Variants in DAAM1 observed in about 807,000 individuals in gnomAD.
DAAM1 encodes the protein dishevelled associated activator of morphogenesis 1.
A neutral mutation model predicts 130.0 loss-of-function variants in DAAM1; 52 were observed. The ratio of observed to expected loss-of-function variants is 0.40; its 90% confidence interval spans 0.32 to 0.50. The LOEUF (loss-of-function observed/expected upper bound fraction) is 0.50, where lower values mean the gene tolerates loss of function less well. Among genes scored for constraint, DAAM1 ranks in the 20% least tolerant of loss-of-function variants. DAAM1 has a pLI of 0.61. For missense variants in DAAM1, 1,134 were observed against 1,303.8 expected (o/e 0.87, Z 2.01); for synonymous variants, 452 against 444.5 (o/e 1.02, Z -0.21).
chr14:59,341,929 G>A (rs17096128), intron 16 of DAAM1, among the ~76,000 whole-genome samples: 1 of 152,008 alleles, frequency 6.6e-6, no homozygotes, highest in Admixed American at 6.6e-5. Flanking sequence ...CTGTGACCTC[G>A]TTCCTTATTG....
At chr14:59,306,615 A>G (rs1334688834) in intron 3 of DAAM1, among the ~76,000 whole-genome samples, 4 of 152,178 alleles carry the variant, frequency 2.6e-5, no homozygotes, top group African/African-American at 9.6e-5. Context: ...GCTCTAAACC[A>G]AACTGTTAGG....
At chr14:59,366,532 ATTAG>A (rs926243189) in intron 23 of DAAM1, among the ~76,000 whole-genome samples, 2 of 152,182 alleles carry the variant, frequency 1.3e-5, no homozygotes, top group African/African-American at 4.8e-5. Context: ...TGAGTTTGCT[ATTAG>A]TTTTATGTCT....
intron 2 of DAAM1, among the ~76,000 whole-genome samples, chr14:59,273,817 T>G (rs1419764532): frequency 6.6e-6 from 1 of 152,212 alleles, no homozygotes; most frequent in African/African-American, 2.4e-5. Flanking sequence ...TTTGTGCAAT[T>G]AACTGTACAT....
chr14:59,366,252 G>T (rs907997666), intron 23 of DAAM1, among the ~76,000 whole-genome samples: 9 of 152,008 alleles, frequency 5.9e-5, no homozygotes, highest in South Asian at 2.1e-4. Flanking sequence ...TTAAAGATTG[G>T]CATTGAAAGG....
At chr14:59,332,680 A>C (rs1432030005) in intron 15 of DAAM1, among the ~76,000 whole-genome samples, 1 of 152,236 alleles carries the variant, frequency 6.6e-6, no homozygotes, top group Non-Finnish European at 1.5e-5. Context: ...CCAGAAGAGA[A>C]CACAGCAAGG....
chr14:59,263,416 A>T, intron 1 of DAAM1, 25 bp from the exon 2 acceptor site: 2 of 1,596,460 alleles, frequency 1.3e-6, no homozygotes, highest in Non-Finnish European at 1.7e-6. Flanking sequence ...TGTACTCTTA[A>T]CCATGTCATA....
intron 4 of DAAM1, among the ~76,000 whole-genome samples, chr14:59,318,927 G>A (rs1300862947): frequency 1.3e-5 from 2 of 152,170 alleles, no homozygotes; most frequent in Non-Finnish European, 2.9e-5. Flanking sequence ...CTAGTGACCC[G>A]CAGTAAAATG....
At chr14:59,263,413 T>C in intron 1 of DAAM1, 28 bp from the exon 2 acceptor site, 1 of 1,594,630 alleles carries the variant, frequency 6.3e-7, no homozygotes, top group South Asian at 1.1e-5. Flanking sequence ...TCCTGTACTC[T>C]TAACCATGTC....
At chr14:59,230,793 CATG>C (rs1195331993) in intron 1 of DAAM1, among the ~76,000 whole-genome samples, 1 of 152,090 alleles carries the variant, frequency 6.6e-6, no homozygotes, top group Admixed American at 6.5e-5. Flanking sequence ...CTCCATTCTT[CATG>C]ATGTGATTAT....
At chr14:59,257,790 T>C (rs781432362) in intron 1 of DAAM1, among the ~76,000 whole-genome samples, 8 of 152,164 alleles carry the variant, frequency 5.3e-5, no homozygotes, top group Non-Finnish European at 1.0e-4. Flanking sequence ...TTCAGCCACA[T>C]TGGTCTTCCC....
At chr14:59,332,439 C>T (rs1157419568) in intron 15 of DAAM1, among the ~76,000 whole-genome samples, 1 of 152,132 alleles carries the variant, frequency 6.6e-6, no homozygotes, top group Non-Finnish European at 1.5e-5. Context: ...ATGTCATGAA[C>T]AGAAGTGGGG....
At chr14:59,334,608 G>A (rs1377966097) in intron 15 of DAAM1, among the ~76,000 whole-genome samples, 1 of 151,976 alleles carries the variant, frequency 6.6e-6, no homozygotes, top group Admixed American at 6.6e-5. Context: ...GTAAGATTTT[G>A]GAAAAATCTC....
Position 59,338,798 on chromosome 14 carries a change from C to G in DAAM1, c.1969-1276C>G, listed in dbSNP as rs189227414. 9.9e-5 allele frequency among the ~76,000 whole-genome samples: 15 copies of G among 151,880 alleles called. No homozygotes were observed. The South Asian group carries it at 2.1e-3, about 21-fold the overall frequency. ...CTGAGTGGGAAATATATGAAAAAGG[C>G]TTGATGGTGTATATAAGACTTGGAC... On this transcript the variant is annotated intron_variant, in intron 15 of 24. Transcript: ENST00000360909.
chr14:59,364,073 T>G (rs927099291), intron 23 of DAAM1, among the ~76,000 whole-genome samples: 4 of 152,194 alleles, frequency 2.6e-5, no homozygotes, highest in Non-Finnish European at 5.9e-5. Flanking sequence ...GACCAGCAAA[T>G]ACTTTGACAG....
chr14:59,245,146 A>C (rs1881312226), intron 1 of DAAM1, among the ~76,000 whole-genome samples: 1 of 152,232 alleles, frequency 6.6e-6, no homozygotes, highest in Admixed American at 6.5e-5. Flanking sequence ...CACGTGGATC[A>C]AATGCATCCT....
intron 22 of DAAM1, among the ~76,000 whole-genome samples, chr14:59,362,067 A>G (rs1260206442): frequency 1.3e-5 from 2 of 151,094 alleles, no homozygotes; most frequent in Non-Finnish European, 2.9e-5. Flanking sequence ...ATTAAAAAAA[A>G]AATTCTACTG....
intron 9 of DAAM1, 86 bp downstream of exon 9, chr14:59,325,816 T>C: frequency 6.4e-7 from 1 of 1,556,544 alleles, no homozygotes; most frequent in Non-Finnish European, 8.8e-7. Flanking sequence ...CCACATGGAC[T>C]TTAGGGCAAC....
intron 2 of DAAM1, chr14:59,263,868 C>A: frequency 4.8e-6 from 3 of 629,828 alleles, no homozygotes; most frequent in Admixed American, 2.7e-5. Context: ...CATCCAAGTG[C>A]TTTGCTTGTG....
At chr14:59,246,933 C>A (rs1001839864) in intron 1 of DAAM1, among the ~76,000 whole-genome samples, 1 of 151,988 alleles carries the variant, frequency 6.6e-6, no homozygotes, top group Non-Finnish European at 1.5e-5. Flanking sequence ...TGTAGGGGTT[C>A]TGGATATTAA....
Sources: gnomAD v4.1 joint callset for allele counts (sites outside exome capture counted in the v4.1 genomes callset) on GRCh38, gnomAD v4.1.1 for gene constraint, MANE v1.5 for transcripts, NCBI Gene and HGNC (gene_info 2026-07-23, HGNC 2026-07-21) for gene names.